Variants in SPTB observed in about 807,000 individuals in gnomAD.
SPTB encodes spectrin beta, erythrocytic.
Under a neutral mutation model 256.2 loss-of-function variants are expected in SPTB, and 45 were observed. The ratio of observed to expected loss-of-function variants is 0.18; its 90% CI spans 0.14 to 0.23. SPTB has a LOEUF of 0.23. Ranked by LOEUF, SPTB falls within the 10% of genes least tolerant of loss-of-function variation. The probability of loss-of-function intolerance (pLI) is 1.00; values close to 1 mark genes in which losing one functional copy is unlikely to be tolerated. For synonymous variants in SPTB, 1,231 were observed against 1,243.1 expected, an observed-to-expected ratio of 0.99 and a Z score of 0.21; for missense variants, 2,715 against 3,040.4, an observed-to-expected ratio of 0.89 and a Z score of 2.52.
rs1417643232 is a variant in SPTB at position 64,873,161 on chromosome 14, A to G, written c.-52+6631T>C. Reference sequence around the variant, plus strand: ...AGTAGAACCACCCTTCTTTCCCTTCATATTGCTTTATTTTTCTTTTTAGCA... The same window carrying G: ...AGTAGAACCACCCTTCTTTCCCTTCGTATTGCTTTATTTTTCTTTTTAGCA... On this transcript the variant is annotated intron_variant, in intron 1 of 35. Coordinates refer to ENST00000644917, the MANE Select transcript of SPTB (RefSeq NM_001355436.2). This position sits in a 1 kb window ranked among gnomAD's most constrained non-coding sequence, Gnocchi z 4.3. 6.6e-6 allele frequency among the ~76,000 whole-genome samples: 1 copy of G among 152,094 alleles called. No individual in the cohort carries two copies. Among genetic ancestry groups the G allele is most frequent in the Non-Finnish European group, 1.5e-5 (1 of 68,028 alleles).
rs1330145030 is a variant in SPTB, at chr14:64,764,096, GA to G, written c.6345+2629del. On this transcript the variant is annotated intron_variant, in intron 32 of 35. Coordinates refer to ENST00000644917, the MANE Select transcript of SPTB (RefSeq NM_001355436.2). The surrounding 1 kb of genome is among the most constrained non-coding windows in gnomAD (Gnocchi z 4.2). Reference sequence around the variant, plus strand: ...CACCGACACCAGACCACACACAGAGGACCAGCAGGAGAGCCACCATCCCCCA... The same window carrying G: ...CACCGACACCAGACCACACACAGAGGCCAGCAGGAGAGCCACCATCCCCCA... Among the ~76,000 whole-genome samples, 3 of 152,350 alleles carry G rather than the reference GA, an allele frequency of 2.0e-5. No homozygotes were observed. The highest frequency in any genetic ancestry group is 6.8e-3 in the Middle Eastern group (2 of 294).
At position 64,826,063 on chromosome 14, in the gene SPTB, C is replaced by T. The variant is rs1417384690; in HGVS notation, c.-51-2918G>A. Among the ~76,000 whole-genome samples, 1 of 152,212 alleles carries T rather than the reference C, an allele frequency of 6.6e-6. No individual in the cohort carries two copies. Among genetic ancestry groups the T allele is most frequent in the Non-Finnish European group, 1.5e-5 (1 of 68,036 alleles). On this transcript the variant is annotated intron_variant, in intron 1 of 35. Coordinates refer to ENST00000644917, the MANE Select transcript of SPTB (RefSeq NM_001355436.2). This position sits in a 1 kb window ranked among gnomAD's most constrained non-coding sequence, Gnocchi z 4.4. Reference sequence around the variant, plus strand: ...ATGATTCAGAAATGAAAGTGAGGCCCCTTTCCTTGTGCCCTCTTCCCCTGC... The same window carrying T: ...ATGATTCAGAAATGAAAGTGAGGCCTCTTTCCTTGTGCCCTCTTCCCCTGC...
At chr14:64,871,558 G>C (rs1239876059) in intron 1 of SPTB, among the ~76,000 whole-genome samples, 1 of 152,180 alleles carries the variant, frequency 6.6e-6, no homozygotes, top group Non-Finnish European at 1.5e-5. Context: ...ACTCCAGGTC[G>C]CTTAACTTGA....
chr14:64,819,502 C>T (rs184038442), intron 2 of SPTB, among the ~76,000 whole-genome samples: 14 of 152,246 alleles, frequency 9.2e-5, no homozygotes, highest in Admixed American at 6.5e-4. Context: ...AGCCAGATGG[C>T]GGAGACACAG....
chr14:64,831,752 T>G (rs923465408), intron 1 of SPTB, among the ~76,000 whole-genome samples: 6 of 152,144 alleles, frequency 3.9e-5, no homozygotes, highest in African/African-American at 1.4e-4. Flanking sequence ...CGTCCACCAC[T>G]GGGGCAGGGA....
At chr14:64,849,044 A>T (rs1358322541) in intron 1 of SPTB, among the ~76,000 whole-genome samples, 1 of 152,236 alleles carries the variant, frequency 6.6e-6, no homozygotes, top group East Asian at 1.9e-4. Flanking sequence ...AGATTTTTTT[A>T]AATAATTAAT....
At chr14:64,770,686 A>G (rs1379311127) in intron 27 of SPTB, among the ~76,000 whole-genome samples, 199 bp downstream of exon 27, 1 of 152,178 alleles carries the variant, frequency 6.6e-6, no homozygotes. Context: ...CTCTGGAGCG[A>G]TTGGTCCTCC....
At chr14:64,814,154 T>G (rs1277205875) in intron 2 of SPTB, among the ~76,000 whole-genome samples, 2 of 152,188 alleles carry the variant, frequency 1.3e-5, no homozygotes, top group Non-Finnish European at 2.9e-5. Context: ...GATTTTAAAG[T>G]GGTCAGAAGC....
chr14:64,785,653 C>G lies in SPTB; in HGVS notation c.3765-26G>C. 1 of 1,613,790 alleles carries G rather than the reference C, an allele frequency of 6.2e-7. No individual in the cohort carries two copies. The highest frequency in any genetic ancestry group is 1.3e-5 in the African/African-American group (1 of 75,040). ...CTGGAAAGGAAGCCAAAAGCACAGT[C>G]ACAATAGTGCCGAGCTTGGGGTCCT... On this transcript the variant is annotated intron_variant, in intron 17 of 35. Coordinates refer to ENST00000644917, the MANE Select transcript of SPTB (RefSeq NM_001355436.2). The surrounding 1 kb of genome is among the most constrained non-coding windows in gnomAD (Gnocchi z 4.4).
At position 64,752,633 on chromosome 14, in the gene SPTB, T is replaced by C. The variant is rs145296484; in HGVS notation, c.6602+904A>G. On this transcript the variant is annotated intron_variant, in intron 33 of 35. Transcript: ENST00000644917. ...CAGTCCTAATATAATGCCTGGCACA[T>C]AGTAGATGCTCAGTAAATGTTAGTT... Among the ~76,000 whole-genome samples, 5 of 152,300 alleles carry C rather than the reference T, an allele frequency of 3.3e-5. No individual in the cohort carries two copies. The East Asian group carries it at 9.6e-4, about 29-fold the overall frequency.
At chr14:64,814,272 C>T (rs2083146550) in intron 2 of SPTB, among the ~76,000 whole-genome samples, 1 of 152,032 alleles carries the variant, frequency 6.6e-6, no homozygotes, top group Non-Finnish European at 1.5e-5. Flanking sequence ...TGCATGTTTG[C>T]TGACATGAAA....
chr14:64,747,844 T>C lies in SPTB; in HGVS notation c.*1462A>G, dbSNP rs1352907578. ...ACCCGCTTGACTGCTCTCTTGGACC[T>C]AACCCTAGTTTGATACTGGGCCAGA... On this transcript the variant is annotated 3_prime_UTR_variant, in exon 36 of 36. Transcript: ENST00000644917. 1 of 115,390 alleles carries C rather than the reference T, an allele frequency of 8.7e-6. No individual in the cohort carries two copies. The highest frequency in any genetic ancestry group is 1.7e-5 in the Non-Finnish European group (1 of 60,474). The allele number at this position is 115,390 out of a possible 1,614,324, so 7.1% of individuals were successfully genotyped here. A position where few individuals can be genotyped will look rare whatever the true frequency, so the allele number is the denominator to read the frequency against.
chr14:64,766,961 G>GCGACTTCTT (rs1402421987), intron 31 of SPTB, among the ~76,000 whole-genome samples, 160 bp from the exon 32 acceptor site: 1 of 152,162 alleles, frequency 6.6e-6, no homozygotes, highest in East Asian at 1.9e-4. Context: ...GAGCCGCCCA[G>GCGACTTCTT]CGACTTCTTC....
In SPTB at chr14:64,796,777, C is replaced by T; in HGVS notation, c.1183-62G>A. On this transcript the variant is annotated intron_variant, in intron 10 of 35. Coordinates refer to ENST00000644917, the MANE Select transcript of SPTB (RefSeq NM_001355436.2). The surrounding 1 kb of genome is among the most constrained non-coding windows in gnomAD (Gnocchi z 4.1). Reference sequence around the variant, plus strand: ...GGAGAAATGCCTCACTTTGGGGGCTCCACCCCTTTCACCCAACACTGAGTG... The same window carrying T: ...GGAGAAATGCCTCACTTTGGGGGCTTCACCCCTTTCACCCAACACTGAGTG... 1 of 1,602,432 alleles carries T rather than the reference C, an allele frequency of 6.2e-7. No individual in the cohort carries two copies. The highest frequency in any genetic ancestry group is 2.2e-5 in the East Asian group (1 of 44,836).
chr14:64,795,182 G>C lies in SPTB; in HGVS notation c.1644+155C>G, dbSNP rs915584155. Among the ~76,000 whole-genome samples the C allele has an allele frequency of 2.0e-5, 3 of 152,238 alleles. No homozygotes were observed. Among genetic ancestry groups the C allele is most frequent in the African/African-American group, 4.8e-5 (2 of 41,454 alleles). On this transcript the variant is annotated intron_variant, in intron 12 of 35. Transcript: ENST00000644917. The surrounding 1 kb of genome is among the most constrained non-coding windows in gnomAD (Gnocchi z 6.5). ...GAGTGGACCAAGAGGCAGAGAGGCA[G>C]GTGCAGCTAGACACTTTGCTGCCTC...
chr14:64,808,485 G>A (rs1015835076), intron 2 of SPTB, among the ~76,000 whole-genome samples: 1 of 152,142 alleles, frequency 6.6e-6, no homozygotes, highest in African/African-American at 2.4e-5. Context: ...TTTAGTTTCA[G>A]GTCAAATACA....
At chr14:64,869,523 C>G (rs1882396591) in intron 1 of SPTB, among the ~76,000 whole-genome samples, 1 of 152,006 alleles carries the variant, frequency 6.6e-6, no homozygotes, top group Non-Finnish European at 1.5e-5. Flanking sequence ...TAGCTCACTG[C>G]AGCCTTGAAC....
Position 64,877,881 on chromosome 14 carries a change from A to G in SPTB, c.-52+1911T>C, listed in dbSNP as rs144231328. Among the ~76,000 whole-genome samples, 14 of 152,312 alleles carry G rather than the reference A, an allele frequency of 9.2e-5. No individual in the cohort carries two copies. The East Asian group carries it at 2.7e-3, about 29-fold the overall frequency. ...CCTTCACCCCCAAAACTAGTCATCT[A>G]GCAGGCGTTCTGCTATAGGACACCT... is the stretch of plus-strand genomic sequence containing the variant. On this transcript the variant is annotated intron_variant, in intron 1 of 35. Transcript: ENST00000644917.
Position 64,777,954 on chromosome 14 carries a change from G to A in SPTB, c.4563+1203C>T, listed in dbSNP as rs116902688. Among the ~76,000 whole-genome samples, 41 of 152,214 alleles carry A rather than the reference G, an allele frequency of 2.7e-4. No individual in the cohort carries two copies. In the East Asian group the frequency reaches 7.5e-3, roughly 28 times the overall value. ...AAACCTTTGAACAATAACACTTACAGAGGCTGCATAGAATCAAAAATCCTA... is the reference window on the plus strand; with the variant it reads ...AAACCTTTGAACAATAACACTTACAAAGGCTGCATAGAATCAAAAATCCTA... On this transcript the variant is annotated intron_variant, in intron 22 of 35. Transcript: ENST00000644917. This position sits in a 1 kb window ranked among gnomAD's most constrained non-coding sequence, Gnocchi z 4.5.
Sources: gnomAD v4.1 joint callset for allele counts (sites outside exome capture counted in the v4.1 genomes callset) on GRCh38, gnomAD v4.1.1 for gene constraint, Gnocchi (gnomAD v3.1) non-coding constraint, MANE v1.5 for transcripts, NCBI Gene and HGNC (gene_info 2026-07-23, HGNC 2026-07-21) for gene names.